Variants in SCP2 observed in about 807,000 individuals in gnomAD.
SCP2 encodes sterol carrier protein 2.
In SCP2, 48 loss-of-function variants were observed where a neutral mutation model predicts 71.4. The observed-to-expected ratio is 0.67, with a 90% CI of 0.53 to 0.86. The LOEUF (loss-of-function observed/expected upper bound fraction) is 0.86, where lower values mean the gene tolerates loss of function less well. SCP2 is among the 40% of genes least tolerant of loss of function. The probability of loss-of-function intolerance (pLI) is 0.00; values close to 1 mark genes in which losing one functional copy is unlikely to be tolerated. For missense variants in SCP2, 560 were observed against 655.6 expected (o/e 0.85, Z 1.59); for synonymous variants, 220 against 218.1 (o/e 1.01, Z -0.08).
At chr1:53,034,374 T>A (rs1458092608) in intron 13 of SCP2, among the ~76,000 whole-genome samples, 1 of 151,356 alleles carries the variant, frequency 6.6e-6, no homozygotes, top group East Asian at 1.9e-4. Context: ...AATATATGAT[T>A]TCATTTATAT....
chr1:52,974,752 G>A lies in SCP2; in HGVS notation c.524-17G>A. The A allele has an allele frequency of 7.1e-7, 1 of 1,413,798 alleles. No individual in the cohort carries two copies. Among genetic ancestry groups the A allele is most frequent in the Admixed American group, 1.7e-5 (1 of 59,782 alleles). The allele number at this position is 1,413,798 out of a possible 1,614,324, so 87.6% of individuals were successfully genotyped here. Reference sequence around the variant, plus strand: ...GAAAAACATTCACCCACTGGTAGATGTTTGCTTTCTTTACAGGAACAAAAA... The same window carrying A: ...GAAAAACATTCACCCACTGGTAGATATTTGCTTTCTTTACAGGAACAAAAA... On this transcript the variant is annotated splice_polypyrimidine_tract_variant and intron_variant, in intron 6 of 15. Transcript: ENST00000371514.
chr1:52,954,647 C>CACTTG (rs1335383136), intron 4 of SCP2, 93 bp from the exon 5 acceptor site: 1 of 1,028,610 alleles, frequency 9.7e-7, no homozygotes, highest in African/African-American at 1.6e-5. Flanking sequence ...ATTGTGTGCT[C>CACTTG]ACTTGACGTA....
chr1:53,044,764 TG>T (rs1663680151), intron 14 of SCP2, among the ~76,000 whole-genome samples: 2 of 152,238 alleles, frequency 1.3e-5, no homozygotes, highest in Non-Finnish European at 1.5e-5. Context: ...GTTGATTTCT[TG>T]GTGAATTTTT....
chr1:53,016,132 T>C (rs945552890), intron 12 of SCP2, among the ~76,000 whole-genome samples: 1 of 152,158 alleles, frequency 6.6e-6, no homozygotes, highest in African/African-American at 2.4e-5. Context: ...ACTTCTTTTA[T>C]TGAGTCTATG....
chr1:52,994,848 C>T, intron 11 of SCP2: 1 of 508,314 alleles, frequency 2.0e-6, no homozygotes. Flanking sequence ...GGGACAGCGA[C>T]CTGCAGCTGG....
At chr1:53,010,331 A>G (rs189147610) in intron 11 of SCP2, among the ~76,000 whole-genome samples, 1 of 152,364 alleles carries the variant, frequency 6.6e-6, no homozygotes, top group African/African-American at 2.4e-5. Context: ...ATGCACACGT[A>G]TGTTTATTGT....
intron 6 of SCP2, among the ~76,000 whole-genome samples, chr1:52,961,970 C>T (rs564233030): frequency 2.3e-4 from 35 of 152,188 alleles, no homozygotes; most frequent in African/African-American, 8.2e-4. Flanking sequence ...GGTGCGATCT[C>T]GGCTCACTGC....
intron 11 of SCP2, among the ~76,000 whole-genome samples, chr1:53,001,608 A>G (rs1660322180): frequency 1.3e-5 from 2 of 152,212 alleles, no homozygotes; most frequent in South Asian, 2.1e-4. Flanking sequence ...TCATCAAGCT[A>G]GAGAGTGGCA....
chr1:52,943,667 A>G, intron 2 of SCP2: 1 of 432,104 alleles, frequency 2.3e-6, no homozygotes, highest in South Asian at 1.8e-5. Context: ...CAAAGCACCA[A>G]TAGCTGCACT....
intron 4 of SCP2, among the ~76,000 whole-genome samples, chr1:52,953,559 T>C (rs1430633534): frequency 6.6e-6 from 1 of 152,096 alleles, no homozygotes; most frequent in Admixed American, 6.5e-5. Context: ...TTGCCCAGAC[T>C]GGTCTTGAAC....
At chr1:52,927,510 G>A (rs900283647) in intron 1 of SCP2, 45 bp downstream of exon 1, 2 of 1,446,988 alleles carry the variant, frequency 1.4e-6, no homozygotes, top group Non-Finnish European at 1.9e-6. Flanking sequence ...GCTCGGGGGC[G>A]GTCGGTGCCT....
chr1:53,025,116 G>A lies in SCP2; in HGVS notation c.1236-2853G>A, dbSNP rs377668549. On this transcript the variant is annotated intron_variant, in intron 12 of 15. Transcript: ENST00000371514. Reference sequence around the variant, plus strand: ...CTCCACTGAAAACTGCTTTTGTCAAGGTCAGGTCATCTGTACTCTCCATGT... The same window carrying A: ...CTCCACTGAAAACTGCTTTTGTCAAAGTCAGGTCATCTGTACTCTCCATGT... Among the ~76,000 whole-genome samples the A allele has an allele frequency of 3.8e-3, 582 of 152,208 alleles. 3 individuals carry two copies. The highest frequency in any genetic ancestry group is 0.014 in the African/African-American group (562 of 41,518).
At position 53,051,396 on chromosome 1, in the gene SCP2, A is replaced by G. The variant is rs748616960; in HGVS notation, c.*692A>G. ...TAATTGAACAATAAAGTTTGCTTTC[A>G]GATGCAGTTTTCAAATTATAATCTC... is the stretch of plus-strand genomic sequence containing the variant. On this transcript the variant is annotated 3_prime_UTR_variant, in exon 16 of 16. Coordinates refer to ENST00000371514, the MANE Select transcript of SCP2 (RefSeq NM_002979.5). 1.3e-5 allele frequency: 2 copies of G among 152,208 alleles called. No individual in the cohort carries two copies. Among genetic ancestry groups the G allele is most frequent in the Non-Finnish European group, 2.9e-5 (2 of 68,034 alleles). The allele number at this position is 152,208 out of a possible 1,614,324, so 9.4% of individuals were successfully genotyped here.
At chr1:52,979,946 TTTCTTTTC>T (rs777822878) in intron 9 of SCP2, among the ~76,000 whole-genome samples, 103 of 146,812 alleles carry the variant, frequency 7.0e-4, no homozygotes, top group Non-Finnish European at 1.3e-3. Context: ...CCTCTCTTTC[TTTCTTTTC>T]TTCTTTTCTT....
At chr1:53,025,478 T>C (rs1332659369) in intron 12 of SCP2, among the ~76,000 whole-genome samples, 1 of 152,234 alleles carries the variant, frequency 6.6e-6, no homozygotes, top group East Asian at 1.9e-4. Flanking sequence ...GTATACTTAC[T>C]GTGCCTTAAA....
At chr1:53,022,620 G>A (rs750174030) in intron 12 of SCP2, among the ~76,000 whole-genome samples, 14 of 152,140 alleles carry the variant, frequency 9.2e-5, no homozygotes, top group Admixed American at 4.6e-4. Flanking sequence ...CACACTAGGC[G>A]TTTCACATGT....
Position 52,993,160 on chromosome 1 carries a change from T to C in SCP2, c.1081+5024T>C, listed in dbSNP as rs541718965. On this transcript the variant is annotated intron_variant, in intron 11 of 15. Coordinates refer to ENST00000371514, the MANE Select transcript of SCP2 (RefSeq NM_002979.5). ...GAGGAGAGGAAGAGAAGATGAGGGCTTTTCCTGGCAGTTGGTAGCTAAAAC... is the reference window on the plus strand; with the variant it reads ...GAGGAGAGGAAGAGAAGATGAGGGCCTTTCCTGGCAGTTGGTAGCTAAAAC... 2.6e-4 allele frequency: 418 copies of C among 1,605,646 alleles called. 4 individuals are homozygous for C. In the South Asian group the frequency reaches 4.4e-3, roughly 17 times the overall value.
At chr1:52,950,989 G>T in intron 4 of SCP2, 103 bp downstream of exon 4, 3 of 1,342,490 alleles carry the variant, frequency 2.2e-6, no homozygotes, top group Non-Finnish European at 3.2e-6. Flanking sequence ...TTTTAAAAAA[G>T]TCTTCATCAG....
chr1:52,980,985 G>A (rs1355783194), intron 10 of SCP2, among the ~76,000 whole-genome samples: 1 of 152,140 alleles, frequency 6.6e-6, no homozygotes, highest in South Asian at 2.1e-4. Context: ...AGGCTGGAGT[G>A]CAGTGGTGCA....
Sources: gnomAD v4.1 joint callset for allele counts (sites outside exome capture counted in the v4.1 genomes callset) on GRCh38, gnomAD v4.1.1 for gene constraint, MANE v1.5 for transcripts, NCBI Gene and HGNC (gene_info 2026-07-23, HGNC 2026-07-21) for gene names.